PAQR8: variants seen among roughly 807,000 people sequenced by gnomAD.
PAQR8 encodes the protein progestin and adipoQ receptor family member 8, also known as membrane progestin receptor beta.
A neutral mutation model predicts 25.2 loss-of-function variants in PAQR8; 17 were observed. The observed-to-expected ratio is 0.67, with a 90% confidence interval of 0.46 to 1.01. The LOEUF (loss-of-function observed/expected upper bound fraction) is 1.01, where lower values mean the gene tolerates loss of function less well. PAQR8 is among the 50% of genes least tolerant of loss of function. PAQR8 has a pLI of 0.00. For missense variants in PAQR8, 392 were observed against 448.4 expected, an observed-to-expected ratio of 0.87 and a Z score of 1.14; for synonymous variants, 204 against 190.6, an observed-to-expected ratio of 1.07 and a Z score of -0.58.
chr6:52,392,579 T>G (rs1048159671), intron 1 of PAQR8, among the ~76,000 whole-genome samples: 1 of 152,204 alleles, frequency 6.6e-6, no homozygotes, highest in Non-Finnish European at 1.5e-5. Context: ...GGAGCTTTTC[T>G]TTAATTCCCC....
At chr6:52,371,317 A>G (rs1763416942) in intron 1 of PAQR8, among the ~76,000 whole-genome samples, 1 of 152,182 alleles carries the variant, frequency 6.6e-6, no homozygotes, top group Non-Finnish European at 1.5e-5. Flanking sequence ...CCTCTCAACA[A>G]TATATGTACA....
chr6:52,371,610 A>C (rs746347033), intron 1 of PAQR8, among the ~76,000 whole-genome samples: 7 of 152,244 alleles, frequency 4.6e-5, no homozygotes, highest in Non-Finnish European at 1.0e-4. Flanking sequence ...GCTGTGATAC[A>C]TCTCATGGCC....
rs1483038210 is a variant in PAQR8, at chr6:52,378,170, C to T, written c.-53+15921C>T. 2.0e-5 allele frequency among the ~76,000 whole-genome samples: 3 copies of T among 152,298 alleles called. No individual in the cohort carries two copies. The East Asian group carries it at 5.8e-4, about 29-fold the overall frequency. On this transcript the variant is annotated intron_variant, in intron 1 of 1. Coordinates refer to ENST00000442253, the MANE Select transcript of PAQR8 (RefSeq NM_133367.5). ...TATTTATTTAAGTCACATGCAATGACCTTAGAACCATGTGTAGTAGAGAGT... is the reference window on the plus strand; with the variant it reads ...TATTTATTTAAGTCACATGCAATGATCTTAGAACCATGTGTAGTAGAGAGT...
intron 1 of PAQR8, among the ~76,000 whole-genome samples, chr6:52,389,523 G>A (rs1763673640): frequency 6.6e-6 from 1 of 152,168 alleles, no homozygotes. Context: ...GGTTGGGGGC[G>A]GGGGAGGAAT....
intron 1 of PAQR8, among the ~76,000 whole-genome samples, chr6:52,391,659 C>T (rs572702745): frequency 1.3e-5 from 2 of 152,224 alleles, no homozygotes; most frequent in African/African-American, 2.4e-5. Context: ...TCCAACTCCA[C>T]CTCTGGCTCA....
Position 52,368,712 on chromosome 6 carries a change from C to T in PAQR8, c.-53+6463C>T, listed in dbSNP as rs1178137900. 8.5e-5 allele frequency among the ~76,000 whole-genome samples: 13 copies of T among 152,242 alleles called. No individual in the cohort carries two copies. In the East Asian group the frequency reaches 2.1e-3, roughly 25 times the overall value. Reference sequence around the variant, plus strand: ...TTTTCAAAGTAGTTTTATATATCTTCTCAAATATGACTTTTGCTACCATCC... The same window carrying T: ...TTTTCAAAGTAGTTTTATATATCTTTTCAAATATGACTTTTGCTACCATCC... On this transcript the variant is annotated intron_variant, in intron 1 of 1. Coordinates refer to ENST00000442253, the MANE Select transcript of PAQR8 (RefSeq NM_133367.5).
In PAQR8 at chr6:52,403,235, C is replaced by G. The variant is rs753612265; in HGVS notation, c.22C>G (p.Arg8Gly). Residue 8 changes from arginine (R) to glycine (G), a missense_variant, in exon 2 of 2, where the codon CGC (arginine) becomes GGC (glycine). Arg to Gly is a moderately radical substitution (Grantham distance 125). Transcript: ENST00000442253. MTTAILE[R>G]LSTLSVSGQQ... ...TGCCATGACGACCGCCATCTTGGAG[C>G]GCCTGAGCACCCTGTCGGTCAGCGG... 1 of 1,598,014 alleles carries G rather than the reference C, an allele frequency of 6.3e-7. No individual in the cohort carries two copies. Among genetic ancestry groups the G allele is most frequent in the East Asian group, 2.3e-5 (1 of 44,350 alleles).
At chr6:52,389,759 G>A (rs1215308032) in intron 1 of PAQR8, among the ~76,000 whole-genome samples, 3 of 152,192 alleles carry the variant, frequency 2.0e-5, no homozygotes, top group Non-Finnish European at 4.4e-5. Context: ...ACTCTAGCTC[G>A]ATTTGTTATC....
At chr6:52,376,791 C>A (rs1436687752) in intron 1 of PAQR8, among the ~76,000 whole-genome samples, 1 of 152,180 alleles carries the variant, frequency 6.6e-6, no homozygotes, top group Non-Finnish European at 1.5e-5. Context: ...CCCCCCAAAT[C>A]ATCATTTGCT....
intron 1 of PAQR8, among the ~76,000 whole-genome samples, chr6:52,379,627 T>TA (rs1458138637): frequency 7.8e-6 from 1 of 128,816 alleles, no homozygotes; most frequent in African/African-American, 2.9e-5. Context: ...TTCTTTTTTT[T>TA]TTTTTTTTTT....
chr6:52,377,900 A>G (rs764471646), intron 1 of PAQR8, among the ~76,000 whole-genome samples: 16 of 152,186 alleles, frequency 1.1e-4, no homozygotes, highest in Admixed American at 3.3e-4. Context: ...TCACTTACAC[A>G]TTTAGGAAAG....
chr6:52,393,384 G>A (rs1047812782), intron 1 of PAQR8, among the ~76,000 whole-genome samples: 3 of 143,382 alleles, frequency 2.1e-5, no homozygotes, highest in African/African-American at 7.8e-5. Context: ...TGTCCAGGCT[G>A]GAGTGCAGTG....
At chr6:52,402,050 C>G (rs1763835560) in intron 1 of PAQR8, among the ~76,000 whole-genome samples, 1 of 152,158 alleles carries the variant, frequency 6.6e-6, no homozygotes, top group Non-Finnish European at 1.5e-5. Context: ...TTGCCTCACA[C>G]TGAGTGTAGT....
At chr6:52,400,206 C>G (rs570461067) in intron 1 of PAQR8, among the ~76,000 whole-genome samples, 1 of 152,220 alleles carries the variant, frequency 6.6e-6, no homozygotes, top group African/African-American at 2.4e-5. Context: ...TGGGTGCTGG[C>G]TAAATGAATG....
At chr6:52,375,963 C>A (rs1763480568) in intron 1 of PAQR8, among the ~76,000 whole-genome samples, 7 of 152,144 alleles carry the variant, frequency 4.6e-5, no homozygotes, top group Admixed American at 4.6e-4. Flanking sequence ...TAATGCAGTG[C>A]TGAAGGGGAA....
At chr6:52,381,379 G>A (rs905248918) in intron 1 of PAQR8, among the ~76,000 whole-genome samples, 7 of 152,236 alleles carry the variant, frequency 4.6e-5, no homozygotes, top group South Asian at 2.1e-4. Context: ...AGGCCAAGGC[G>A]GGTGGAATGA....
At chr6:52,382,940 C>T (rs1461196103) in intron 1 of PAQR8, among the ~76,000 whole-genome samples, 3 of 152,198 alleles carry the variant, frequency 2.0e-5, no homozygotes, top group Non-Finnish European at 4.4e-5. Flanking sequence ...TACTACCATG[C>T]TCAGCTAATT....
chr6:52,383,526 T>G (rs925927920), intron 1 of PAQR8, among the ~76,000 whole-genome samples: 1 of 151,666 alleles, frequency 6.6e-6, no homozygotes, highest in African/African-American at 2.4e-5. Flanking sequence ...CCGGGCGTGG[T>G]GGCGGGCGCC....
intron 1 of PAQR8, among the ~76,000 whole-genome samples, chr6:52,364,673 C>A (rs1329779643): frequency 2.6e-5 from 4 of 152,192 alleles, no homozygotes; most frequent in African/African-American, 7.2e-5. Context: ...AACAGCCAGG[C>A]ACTGTGCGGG....
Sources: allele counts gnomAD v4.1 joint callset (sites outside exome capture counted in the v4.1 genomes callset), GRCh38; gene constraint gnomAD v4.1.1; transcripts MANE v1.5; gene names NCBI Gene and HGNC (gene_info 2026-07-23, HGNC 2026-07-21).